Variants in CADPS2 observed in about 807,000 individuals in gnomAD.
The protein encoded by CADPS2 is calcium-dependent secretion activator 2.
Under a neutral mutation model 172.5 loss-of-function variants are expected in CADPS2, and 93 were observed. The observed-to-expected ratio is 0.54, with a 90% CI of 0.46 to 0.64. The LOEUF (loss-of-function observed/expected upper bound fraction) is 0.64, where lower values mean the gene tolerates loss of function less well. Among genes scored for constraint, CADPS2 ranks in the 30% least tolerant of loss-of-function variants. The probability of loss-of-function intolerance (pLI) is 0.00; values close to 1 mark genes in which losing one functional copy is unlikely to be tolerated. For synonymous variants in CADPS2, 546 were observed against 555.2 expected (o/e 0.98, Z 0.23); for missense variants, 1,420 against 1,565.9 (o/e 0.91, Z 1.57).
chr7:122,838,327 T>G (rs1318834003), intron 1 of CADPS2, among the ~76,000 whole-genome samples: 2 of 152,202 alleles, frequency 1.3e-5, no homozygotes, highest in Non-Finnish European at 2.9e-5. Flanking sequence ...AATATTATAC[T>G]GAATGGGCAA....
chr7:122,468,880 C>G (rs1269101382), intron 14 of CADPS2, among the ~76,000 whole-genome samples: 1 of 152,068 alleles, frequency 6.6e-6, no homozygotes, highest in Non-Finnish European at 1.5e-5. Context: ...TTCCCTCAAC[C>G]CTATATTTCT....
At chr7:122,738,825 A>T (rs969023916) in intron 1 of CADPS2, among the ~76,000 whole-genome samples, 1 of 150,838 alleles carries the variant, frequency 6.6e-6, no homozygotes, top group Non-Finnish European at 1.5e-5. Context: ...AAAAAAAATT[A>T]AAAAGTGTCC....
chr7:122,780,720 C>A (rs1399022691), intron 1 of CADPS2, among the ~76,000 whole-genome samples: 1 of 152,168 alleles, frequency 6.6e-6, no homozygotes, highest in Non-Finnish European at 1.5e-5. Flanking sequence ...TGCTGCCCAG[C>A]TGGTCTCTAA....
intron 1 of CADPS2, among the ~76,000 whole-genome samples, chr7:122,758,357 T>C (rs1482273984): frequency 6.6e-6 from 1 of 152,160 alleles, no homozygotes; most frequent in African/African-American, 2.4e-5. Context: ...AAGTAGAATA[T>C]ATCCAATTCT....
At chr7:122,747,830 T>C (rs924527852) in intron 1 of CADPS2, among the ~76,000 whole-genome samples, 5 of 113,170 alleles carry the variant, frequency 4.4e-5, no homozygotes, top group Non-Finnish European at 8.5e-5. Flanking sequence ...GTTTATGTCA[T>C]TGTGCCTTTG....
chr7:122,839,666 G>A (rs1424491462), intron 1 of CADPS2, among the ~76,000 whole-genome samples: 1 of 152,182 alleles, frequency 6.6e-6, no homozygotes, highest in Non-Finnish European at 1.5e-5. Context: ...GCAGCCAACA[G>A]ACACATGAGA....
chr7:122,777,172 A>G (rs1246826778), intron 1 of CADPS2, among the ~76,000 whole-genome samples: 1 of 152,168 alleles, frequency 6.6e-6, no homozygotes, highest in Non-Finnish European at 1.5e-5. Flanking sequence ...ATAATTAAGT[A>G]AAAGAATAAC....
chr7:122,683,890 A>G (rs2083341629), intron 2 of CADPS2, among the ~76,000 whole-genome samples: 1 of 151,982 alleles, frequency 6.6e-6, no homozygotes, highest in Non-Finnish European at 1.5e-5. Flanking sequence ...CTGTGTCTAC[A>G]CTGTCCTGGT....
At chr7:122,468,037 T>C (rs74362107) in intron 14 of CADPS2, among the ~76,000 whole-genome samples, 10,206 of 152,178 alleles carry the variant, frequency 0.067, 499 homozygotes, top group South Asian at 0.15. Context: ...TCTGAAACAC[T>C]CAGAGTGCTA....
chr7:122,338,032 T>C (rs1476520834), intron 28 of CADPS2, among the ~76,000 whole-genome samples: 1 of 152,208 alleles, frequency 6.6e-6, no homozygotes, highest in African/African-American at 2.4e-5. Context: ...ATATAACCAA[T>C]TAGTCAAACT....
chr7:122,525,947 G>A (rs1395280736), intron 8 of CADPS2, among the ~76,000 whole-genome samples: 1 of 152,048 alleles, frequency 6.6e-6, no homozygotes, highest in Non-Finnish European at 1.5e-5. Context: ...ATAATCTTAT[G>A]GGATCACTGT....
chr7:122,514,929 A>G (rs754811268), intron 8 of CADPS2, among the ~76,000 whole-genome samples: 20 of 152,190 alleles, frequency 1.3e-4, no homozygotes, highest in Non-Finnish European at 2.8e-4. Context: ...ATATGTAAAA[A>G]TAATTCCAAA....
intron 1 of CADPS2, among the ~76,000 whole-genome samples, chr7:122,810,848 C>A (rs960407747): frequency 1.3e-5 from 2 of 152,110 alleles, no homozygotes; most frequent in Non-Finnish European, 2.9e-5. Flanking sequence ...CCTGCCCTGG[C>A]CTCTCAAAGT....
chr7:122,333,580 C>A (rs1367450685), intron 28 of CADPS2, among the ~76,000 whole-genome samples: 2 of 152,198 alleles, frequency 1.3e-5, no homozygotes, highest in African/African-American at 4.8e-5. Flanking sequence ...ATCTCCCTGT[C>A]CAGATTCATG....
At chr7:122,514,390 C>T (rs1412766129) in intron 8 of CADPS2, among the ~76,000 whole-genome samples, 3 of 151,994 alleles carry the variant, frequency 2.0e-5, no homozygotes, top group African/African-American at 7.3e-5. Context: ...ACTTTCACAA[C>T]TTTTAAAACT....
intron 3 of CADPS2, among the ~76,000 whole-genome samples, chr7:122,652,415 T>C (rs1407753932): frequency 2.0e-5 from 3 of 152,188 alleles, no homozygotes; most frequent in African/African-American, 4.8e-5. Flanking sequence ...GCATTTTCAT[T>C]TAAAAAAGTG....
At chr7:122,493,426 C>T (rs997877029) in intron 9 of CADPS2, among the ~76,000 whole-genome samples, 7 of 152,046 alleles carry the variant, frequency 4.6e-5, no homozygotes, top group Non-Finnish European at 8.8e-5. Context: ...AAGTAAAAGG[C>T]GCAGGTCATT....
chr7:122,498,552 T>C (rs1213168686), intron 9 of CADPS2, among the ~76,000 whole-genome samples: 1 of 152,176 alleles, frequency 6.6e-6, no homozygotes. Context: ...TCATTTTGAG[T>C]TCTAGGCAGC....
chr7:122,753,971 C>T (rs2093056760), intron 1 of CADPS2, among the ~76,000 whole-genome samples: 1 of 152,046 alleles, frequency 6.6e-6, no homozygotes, highest in Admixed American at 6.6e-5. Flanking sequence ...CCTCCATAAA[C>T]CTTCTTAATT....
Sources: allele counts gnomAD v4.1 joint callset (sites outside exome capture counted in the v4.1 genomes callset), GRCh38; gene constraint gnomAD v4.1.1; transcripts MANE v1.5; gene names NCBI Gene and HGNC (gene_info 2026-07-23, HGNC 2026-07-21).